The following CADM2 variants were observed in gnomAD, a reference collection of about 807,000 sequenced individuals.
CADM2 encodes the protein immunoglobulin superfamily member 4D.
A neutral mutation model predicts 49.8 loss-of-function variants in CADM2; 12 were observed. That is an observed-to-expected ratio of 0.24 (90% CI 0.15 to 0.39). CADM2 has a LOEUF of 0.39. CADM2 is among the 10% of genes least tolerant of loss of function. The pLI, the probability that CADM2 is intolerant of heterozygous loss-of-function variation, is 1.00. For missense variants in CADM2, 378 were observed against 492.3 expected, an observed-to-expected ratio of 0.77 and a Z score of 2.20; for synonymous variants, 214 against 175.4, an observed-to-expected ratio of 1.22 and a Z score of -1.74.
At chr3:85,928,331 G>A (rs1189505735) in intron 6 of CADM2, among the ~76,000 whole-genome samples, 1 of 151,906 alleles carries the variant, frequency 6.6e-6, no homozygotes, top group Non-Finnish European at 1.5e-5. Context: ...GCTAATTTTT[G>A]TATTTTTAGT....
intron 1 of CADM2, among the ~76,000 whole-genome samples, chr3:85,224,352 G>A (rs149340934): frequency 2.0e-4 from 30 of 152,246 alleles, no homozygotes; most frequent in African/African-American, 6.5e-4. Flanking sequence ...AATGAACAGC[G>A]ATGATGAGCA....
chr3:85,639,343 A>T (rs1366996905), intron 1 of CADM2, among the ~76,000 whole-genome samples: 1 of 152,206 alleles, frequency 6.6e-6, no homozygotes, highest in East Asian at 1.9e-4. Context: ...ATCACTAAAC[A>T]TTGCATCGCA....
At chr3:85,942,468 G>A (rs62261584) in intron 7 of CADM2, among the ~76,000 whole-genome samples, 1 of 149,010 alleles carries the variant, frequency 6.7e-6, no homozygotes, top group Non-Finnish European at 1.5e-5. Context: ...ATATCTCCCA[G>A]TGCTATCCCT....
At chr3:85,131,378 GAC>G (rs2039223502) in intron 1 of CADM2, among the ~76,000 whole-genome samples, 2 of 151,882 alleles carry the variant, frequency 1.3e-5, no homozygotes, top group Admixed American at 6.6e-5. Flanking sequence ...AATGTCCAAA[GAC>G]ACAGTTTTTT....
chr3:85,466,688 T>C (rs911456039), intron 1 of CADM2, among the ~76,000 whole-genome samples: 2 of 152,128 alleles, frequency 1.3e-5, no homozygotes, highest in Non-Finnish European at 2.9e-5. Context: ...GTTTAGGAGA[T>C]AAACATTTTG....
chr3:85,421,829 A>G (rs1050714214), intron 1 of CADM2, among the ~76,000 whole-genome samples: 12 of 152,368 alleles, frequency 7.9e-5, no homozygotes, highest in African/African-American at 2.9e-4. Flanking sequence ...AAGTAAATAC[A>G]GCATTCTGTT....
chr3:86,064,226 C>G (rs1445136200), intron 8 of CADM2, among the ~76,000 whole-genome samples: 1 of 151,914 alleles, frequency 6.6e-6, no homozygotes, highest in Admixed American at 6.6e-5. Context: ...CCACGACAGG[C>G]CCCGGTGTGT....
intron 1 of CADM2, among the ~76,000 whole-genome samples, chr3:85,573,772 T>A (rs189491276): frequency 6.6e-6 from 1 of 152,292 alleles, no homozygotes; most frequent in East Asian, 1.9e-4. Context: ...GTGATCTTAT[T>A]CCCTGCTTTA....
intron 1 of CADM2, among the ~76,000 whole-genome samples, chr3:85,010,501 T>C (rs1576025671): frequency 6.6e-6 from 1 of 152,192 alleles, no homozygotes; most frequent in Non-Finnish European, 1.5e-5. Context: ...CATAATTCTA[T>C]TACTGACTTT....
intron 1 of CADM2, among the ~76,000 whole-genome samples, chr3:85,152,486 C>G (rs1035396145): frequency 5.9e-5 from 9 of 152,276 alleles, no homozygotes; most frequent in Middle Eastern, 3.4e-3. Context: ...TCCCATTCCT[C>G]AGAGAGCAGA....
At chr3:85,537,660 T>C (rs1453756087) in intron 1 of CADM2, among the ~76,000 whole-genome samples, 1 of 151,892 alleles carries the variant, frequency 6.6e-6, no homozygotes, top group Admixed American at 6.6e-5. Context: ...TGTCATGTTA[T>C]AACCAGTTAA....
intron 1 of CADM2, among the ~76,000 whole-genome samples, chr3:85,209,963 A>G (rs1360604509): frequency 6.6e-6 from 1 of 152,226 alleles, no homozygotes; most frequent in Non-Finnish European, 1.5e-5. Flanking sequence ...TGATTTAAAT[A>G]CATTTATAAA....
chr3:85,024,172 A>C (rs1388359877), intron 1 of CADM2, among the ~76,000 whole-genome samples: 1 of 152,142 alleles, frequency 6.6e-6, no homozygotes. Flanking sequence ...AGCCACAAAT[A>C]TCTCGCAAGT....
chr3:85,498,839 C>T (rs1364074603), intron 1 of CADM2, among the ~76,000 whole-genome samples: 1 of 151,956 alleles, frequency 6.6e-6, no homozygotes, highest in Non-Finnish European at 1.5e-5. Context: ...CTTTGTAATA[C>T]AAAAGTACTC....
rs568119421 is a variant in CADM2, at chr3:85,771,972, C to G, written c.89-30075C>G. ...AGGGATAGTAAATGCACTGAACTTT[C>G]ACAAGCTGCTGTAGTATTGTATTTT... On this transcript the variant is annotated intron_variant, in intron 2 of 9. Coordinates refer to ENST00000383699, the MANE Select transcript of CADM2 (RefSeq NM_001167675.2). Among the ~76,000 whole-genome samples, 10 of 148,916 alleles carry G rather than the reference C, an allele frequency of 6.7e-5. No homozygotes were observed. In the South Asian group the frequency reaches 2.1e-3, roughly 32 times the overall value.
intron 1 of CADM2, among the ~76,000 whole-genome samples, chr3:85,126,573 A>G (rs2039042121): frequency 6.6e-6 from 1 of 152,118 alleles, no homozygotes; most frequent in African/African-American, 2.4e-5. Flanking sequence ...ATTTCATGCT[A>G]TTAAATATGC....
intron 1 of CADM2, among the ~76,000 whole-genome samples, chr3:85,665,417 T>A (rs973801588): frequency 9.9e-5 from 15 of 151,984 alleles, no homozygotes; most frequent in African/African-American, 3.6e-4. Flanking sequence ...TTGCCTTTAA[T>A]TTGCATTGCT....
chr3:85,620,979 C>T lies in CADM2; in HGVS notation c.62-105543C>T, dbSNP rs1157099573. Among the ~76,000 whole-genome samples, 4 of 152,080 alleles carry T rather than the reference C, an allele frequency of 2.6e-5. No homozygotes were observed. The East Asian group carries it at 5.8e-4, about 22-fold the overall frequency. On this transcript the variant is annotated intron_variant, in intron 1 of 9. Coordinates refer to ENST00000383699, the MANE Select transcript of CADM2 (RefSeq NM_001167675.2). ...GAAATCCAGTTCCTTAAGACTTCCA[C>T]TTTTAATTAAGTTGTCCTTTATTAT...
At chr3:85,903,010 A>T (rs1716324573) in intron 5 of CADM2, among the ~76,000 whole-genome samples, 1 of 152,106 alleles carries the variant, frequency 6.6e-6, no homozygotes. Flanking sequence ...AACATATTAT[A>T]TGTTTTTAAT....
Sources: gnomAD v4.1 joint callset for allele counts (sites outside exome capture counted in the v4.1 genomes callset) on GRCh38, gnomAD v4.1.1 for gene constraint, MANE v1.5 for transcripts, NCBI Gene and HGNC (gene_info 2026-07-23, HGNC 2026-07-21) for gene names.